The following TARS3 variants were observed in gnomAD, a reference collection of about 807,000 sequenced individuals.
The protein encoded by TARS3 is threonyl-tRNA synthetase 3.
TARS3 carries 94 observed loss-of-function variants against 103.5 expected under a neutral mutation model. That is an observed-to-expected ratio of 0.91 (90% CI 0.77 to 1.08). TARS3 has a LOEUF of 1.08. TARS3 is among the 50% of genes least tolerant of loss of function. TARS3 has a pLI of 0.00. For synonymous variants in TARS3, 416 were observed against 355.4 expected (o/e 1.17, Z -1.92); for missense variants, 952 against 995.2 (o/e 0.96, Z 0.58).
chr15:101,656,658 T>G (rs1897207135), intron 18 of TARS3, among the ~76,000 whole-genome samples: 1 of 152,200 alleles, frequency 6.6e-6, no homozygotes, highest in African/African-American at 2.4e-5. Context: ...CAGAGTTGTT[T>G]TCGTTGTTTG....
At chr15:101,694,843 G>C (rs1480199041) in intron 10 of TARS3, among the ~76,000 whole-genome samples, 3 of 152,178 alleles carry the variant, frequency 2.0e-5, no homozygotes, top group Non-Finnish European at 4.4e-5. Flanking sequence ...CCTAGAAATA[G>C]TCAATTTCAT....
At chr15:101,655,142 G>A (rs183667674) in intron 18 of TARS3, among the ~76,000 whole-genome samples, 304 of 149,830 alleles carry the variant, frequency 2.0e-3, no homozygotes, top group African/African-American at 7.0e-3. Context: ...AAATGAGAGC[G>A]GGGAGCTCTT....
At chr15:101,659,000 C>G (rs995074507) in intron 16 of TARS3, among the ~76,000 whole-genome samples, 5 of 152,158 alleles carry the variant, frequency 3.3e-5, no homozygotes, top group African/African-American at 1.2e-4. Context: ...CCATGTTGGC[C>G]AGACTGGTCT....
intron 2 of TARS3, among the ~76,000 whole-genome samples, chr15:101,722,508 T>C (rs1180037299): frequency 7.8e-6 from 1 of 127,564 alleles, no homozygotes; most frequent in African/African-American, 3.0e-5. Context: ...GTTTCTCGAA[T>C]ACAAAAAAAA....
chr15:101,718,364 T>C (rs1163119470), intron 3 of TARS3, among the ~76,000 whole-genome samples: 1 of 151,782 alleles, frequency 6.6e-6, no homozygotes, highest in African/African-American at 2.4e-5. Flanking sequence ...AGTGTTGGTA[T>C]ACCCTGGGTA....
chr15:101,724,194 C>T lies in TARS3; in HGVS notation c.194G>A (p.Arg65His). 2 of 1,520,828 alleles carry T rather than the reference C, an allele frequency of 1.3e-6. No individual in the cohort carries two copies. The highest frequency in any genetic ancestry group is 2.6e-5 in the East Asian group (1 of 38,654). 94.2% of individuals were successfully genotyped at this position (1,520,828 alleles called of 1,614,324 possible). A position where few individuals can be genotyped will look rare whatever the true frequency, so the allele number is the denominator to read the frequency against. ...AQLRAENCDL[R>H]HRLCSLRLCL... ...CAGCCGCAGGCTGCACAGGCGGTGG[C>T]GCAGGTCGCAGTTCTCGGCCCGGAG... Residue 65 changes from arginine (R) to histidine (H), a missense_variant, in exon 1 of 19, where the codon CGC becomes CAC. By Grantham distance (29) the Arg-to-His change is conservative. Around this residue, in one of 2 missense-constraint regions of TARS3, gnomAD observed 412 missense variants for 364.2 expected, o/e 1.13. Transcript: ENST00000335968.
At chr15:101,654,932 A>G (rs1226058450) in intron 18 of TARS3, among the ~76,000 whole-genome samples, 1 of 152,218 alleles carries the variant, frequency 6.6e-6, no homozygotes, top group Non-Finnish European at 1.5e-5. Flanking sequence ...TGTCCACCTG[A>G]GAGAACAGCT....
chr15:101,708,921 G>C lies in TARS3; in HGVS notation c.813-11C>G. 1 of 1,529,360 alleles carries C rather than the reference G, an allele frequency of 6.5e-7. No homozygotes were observed. The highest frequency in any genetic ancestry group is 8.8e-7 in the Non-Finnish European group (1 of 1,130,484). 94.7% of individuals were successfully genotyped at this position (1,529,360 alleles called of 1,614,324 possible). On this transcript the variant is annotated splice_polypyrimidine_tract_variant and intron_variant, in intron 5 of 18. Coordinates refer to ENST00000335968, the MANE Select transcript of TARS3 (RefSeq NM_152334.3). ...GTGCTGGACACTGCTCTAAAAAGAA[G>C]AGCAGAGAACCGACATCCATCTTCC...
At chr15:101,668,838 C>T (rs1403513659) in intron 15 of TARS3, among the ~76,000 whole-genome samples, 4 of 152,142 alleles carry the variant, frequency 2.6e-5, no homozygotes, top group Non-Finnish European at 5.9e-5. Flanking sequence ...GTAAATAAAT[C>T]TACCATGCTG....
chr15:101,708,718 G>T, intron 6 of TARS3, 75 bp downstream of exon 6: 1 of 972,016 alleles, frequency 1.0e-6, no homozygotes, highest in East Asian at 2.4e-5. Flanking sequence ...TAATTATTTG[G>T]GGGAAGGTGG....
intron 10 of TARS3, among the ~76,000 whole-genome samples, chr15:101,691,393 C>T (rs1001601080): frequency 4.6e-5 from 7 of 152,162 alleles, no homozygotes; most frequent in Middle Eastern, 3.4e-3. Flanking sequence ...AATTCTCCTG[C>T]CTCAGCCTCC....
chr15:101,658,175 C>T (rs559761798), intron 16 of TARS3, among the ~76,000 whole-genome samples: 2 of 152,162 alleles, frequency 1.3e-5, no homozygotes, highest in Non-Finnish European at 2.9e-5. Context: ...GGTTCACACA[C>T]AATACTGCTC....
chr15:101,711,718 A>T (rs1279034835), intron 5 of TARS3, among the ~76,000 whole-genome samples, 162 bp downstream of exon 5: 1 of 152,240 alleles, frequency 6.6e-6, no homozygotes, highest in Non-Finnish European at 1.5e-5. Context: ...GTTTAGGAGG[A>T]ATCACAAGTT....
At chr15:101,701,518 C>G (rs576601894) in intron 9 of TARS3, among the ~76,000 whole-genome samples, 9 of 152,182 alleles carry the variant, frequency 5.9e-5, no homozygotes, top group Non-Finnish European at 1.2e-4. Context: ...TGATGATGAT[C>G]ATCATGGCTG....
chr15:101,671,374 G>A (rs1437972243), intron 15 of TARS3, 112 bp downstream of exon 15: 3 of 775,572 alleles, frequency 3.9e-6, no homozygotes, highest in Non-Finnish European at 6.3e-6. Context: ...TATATTGCGT[G>A]TATAGCACAT....
intron 3 of TARS3, among the ~76,000 whole-genome samples, chr15:101,718,187 G>T (rs181590159): frequency 6.6e-6 from 1 of 152,094 alleles, no homozygotes; most frequent in Admixed American, 6.6e-5. Flanking sequence ...TGACTAACAT[G>T]GAGAAACGCC....
intron 10 of TARS3, among the ~76,000 whole-genome samples, chr15:101,690,063 T>G (rs904307946): frequency 6.6e-6 from 1 of 152,224 alleles, no homozygotes; most frequent in Non-Finnish European, 1.5e-5. Context: ...CATCACCACA[T>G]GATGACACAT....
At chr15:101,671,354 T>G in intron 15 of TARS3, 132 bp downstream of exon 15, 3 of 667,008 alleles carry the variant, frequency 4.5e-6, no homozygotes, top group Non-Finnish European at 7.5e-6. Flanking sequence ...TATGATCAGG[T>G]AAACAAATAT....
At chr15:101,674,966 AT>A (rs1897963222) in intron 13 of TARS3, among the ~76,000 whole-genome samples, 1 of 152,112 alleles carries the variant, frequency 6.6e-6, no homozygotes, top group Non-Finnish European at 1.5e-5. Flanking sequence ...GGGGACTATT[AT>A]ATTCCAAGAA....
Sources: gnomAD v4.1 joint callset for allele counts (sites outside exome capture counted in the v4.1 genomes callset) on GRCh38, gnomAD v4.1.1 for gene constraint, gnomAD v4.1.1 regional missense constraint, MANE v1.5 for transcripts, NCBI Gene and HGNC (gene_info 2026-07-23, HGNC 2026-07-21) for gene names.